Variants in CD274 observed in about 807,000 individuals in gnomAD.
The protein encoded by CD274 is programmed cell death 1 ligand 1.
Under a neutral mutation model 30.1 loss-of-function variants are expected in CD274, and 8 were observed. That is an observed-to-expected ratio of 0.27 (90% CI 0.16 to 0.48). CD274 has a LOEUF of 0.48. Ranked by LOEUF, CD274 falls within the 20% of genes least tolerant of loss-of-function variation. The pLI, the probability that CD274 is intolerant of heterozygous loss-of-function variation, is 0.99. For missense variants in CD274, 353 were observed against 346.6 expected (o/e 1.02, Z -0.15); for synonymous variants, 152 against 124.6 (o/e 1.22, Z -1.46).
chr9:5,451,869 G>A (rs536349017), intron 1 of CD274, among the ~76,000 whole-genome samples: 4 of 151,982 alleles, frequency 2.6e-5, no homozygotes, highest in African/African-American at 9.6e-5. Flanking sequence ...TTGTAGAGAT[G>A]GGGCTCTTGT....
intron 3 of CD274, 114 bp downstream of exon 3, chr9:5,457,534 G>GTTCA: frequency 1.3e-6 from 1 of 773,756 alleles, no homozygotes; most frequent in Non-Finnish European, 2.0e-6. Flanking sequence ...AGCATAGTCT[G>GTTCA]TTCATTCATT....
rs114862934 is a variant in CD274 at position 5,464,690 on chromosome 9, G to A, written c.683-809G>A. 7.5e-3 allele frequency among the ~76,000 whole-genome samples: 1,145 copies of A among 152,344 alleles called. 17 individuals carry two copies. The highest frequency in any genetic ancestry group is 0.027 in the African/African-American group (1,105 of 41,578). ...GCATTGGCCTCCAATCATGATGACA[G>A]ATAGGAGGAGGTGGGAGCTCCTTAG... On this transcript the variant is annotated intron_variant, in intron 4 of 6. Transcript: ENST00000381577.
intron 3 of CD274, among the ~76,000 whole-genome samples, chr9:5,459,443 A>C (rs1201259131): frequency 6.6e-6 from 1 of 152,132 alleles, no homozygotes; most frequent in Non-Finnish European, 1.5e-5. Context: ...GAGCTTCCCA[A>C]CTCAGGGAAG....
Position 5,467,842 on chromosome 9 carries a change from A to C in CD274, c.853A>C (p.Thr285Pro). 1 of 1,607,830 alleles carries C rather than the reference A, an allele frequency of 6.2e-7. No individual in the cohort carries two copies. Among genetic ancestry groups the C allele is most frequent in the Non-Finnish European group, 8.5e-7 (1 of 1,174,338 alleles). ...AATATACTATTATCACTCTCCAGAT[A>C]CACATTTGGAGGAGACGTAATCCAG... ...QDTNSKKQSD[T>P]HLEET is the part of the protein sequence containing the mutation. Residue 285 changes from threonine (T) to proline (P), a missense_variant and splice_region_variant, in exon 7 of 7, where the codon ACA becomes CCA. Physicochemically the swap from Thr to Pro is conservative, Grantham distance 38. Transcript: ENST00000381577.
rs78816802 is a variant in CD274 at position 5,466,766 on chromosome 9, C to G, written c.791-4C>G. ...GGAAATAAAAATGATTTCTTTTTCT[C>G]AAGGGAGAATGATGGATGTGAAAAA... On this transcript the variant is annotated splice_region_variant and splice_polypyrimidine_tract_variant and intron_variant, in intron 5 of 6. Coordinates refer to ENST00000381577, the MANE Select transcript of CD274 (RefSeq NM_014143.4). 6.6e-5 allele frequency: 106 copies of G among 1,606,894 alleles called. No individual in the cohort carries two copies. In the East Asian group the frequency reaches 2.4e-3, roughly 36 times the overall value.
intron 6 of CD274, among the ~76,000 whole-genome samples, 193 bp from the exon 7 acceptor site, chr9:5,467,647 T>C (rs1384184793): frequency 1.3e-5 from 2 of 152,196 alleles, no homozygotes; most frequent in African/African-American, 4.8e-5. Context: ...CATCCCAATT[T>C]GCTCAGGACT....
At chr9:5,458,539 A>G (rs924476178) in intron 3 of CD274, among the ~76,000 whole-genome samples, 2 of 152,350 alleles carry the variant, frequency 1.3e-5, no homozygotes, top group South Asian at 4.1e-4. Flanking sequence ...GCTAACTACC[A>G]TCAATCTGAG....
rs1475495195 is a variant in CD274 at position 5,466,782 on chromosome 9, A to T, written c.803A>T (p.Asp268Val). Residue 268 changes from aspartate (D) to valine (V), a missense_variant, in exon 6 of 7, where the codon GAT becomes GTT. By Grantham distance (152) the Asp-to-Val change is radical. Transcript: ENST00000381577. ...IFRLRKGRMMDVKKCGIQDTN... is the reference protein window; with the variant it reads ...IFRLRKGRMMVVKKCGIQDTN... ...TCTTTTTCTCAAGGGAGAATGATGG[A>T]TGTGAAAAAATGTGGCATCCAAGAT... 1 of 1,611,064 alleles carries T rather than the reference A, an allele frequency of 6.2e-7. No individual in the cohort carries two copies.
At chr9:5,459,728 T>A (rs1392570048) in intron 3 of CD274, among the ~76,000 whole-genome samples, 2 of 152,238 alleles carry the variant, frequency 1.3e-5, no homozygotes, top group African/African-American at 4.8e-5. Flanking sequence ...TAAAAGTGTT[T>A]TTCTTTAATC....
chr9:5,463,577 A>G (rs1819445671), intron 4 of CD274, among the ~76,000 whole-genome samples: 1 of 152,206 alleles, frequency 6.6e-6, no homozygotes, highest in African/African-American at 2.4e-5. Context: ...CCAGGGTGGC[A>G]GGAAATAAAT....
rs571833216 is a variant in CD274, at chr9:5,469,152, G to A, written c.*1290G>A. 48 of 232,834 alleles carry A rather than the reference G, an allele frequency of 2.1e-4. No homozygotes were observed. Among genetic ancestry groups the A allele is most frequent in the African/African-American group, 9.0e-4 (41 of 45,350 alleles). 14.4% of individuals were successfully genotyped at this position (232,834 alleles called of 1,614,324 possible). On this transcript the variant is annotated 3_prime_UTR_variant, in exon 7 of 7. Transcript: ENST00000381577. ...TAATTTTCATTTACAAAGAGAGGTC[G>A]GTACTTAAAATAACCCTGAAAAATA...
At chr9:5,463,950 A>C (rs1215965193) in intron 4 of CD274, among the ~76,000 whole-genome samples, 1 of 152,188 alleles carries the variant, frequency 6.6e-6, no homozygotes. Flanking sequence ...AGTGAGCATG[A>C]TATTTAATAT....
intron 1 of CD274, among the ~76,000 whole-genome samples, chr9:5,454,393 T>A (rs1447025071): frequency 6.6e-6 from 1 of 152,178 alleles, no homozygotes; most frequent in Non-Finnish European, 1.5e-5. Flanking sequence ...ACATTTCCTG[T>A]GTCTAAACAC....
chr9:5,462,997 A>C lies in CD274; in HGVS notation c.558A>C (p.Arg186Ser), dbSNP rs41280721. The C allele has an allele frequency of 2.6e-5, 42 of 1,613,942 alleles. No homozygotes were observed. Among genetic ancestry groups the C allele is most frequent in the Non-Finnish European group, 3.4e-5 (40 of 1,179,958 alleles). ...SGKTTTTNSK[R>S]EEKLFNVTST... ...AGACCACCACCACCAATTCCAAGAGAGAGGAGAAGCTTTTCAATGTGACCA... is the reference window on the plus strand; with the variant it reads ...AGACCACCACCACCAATTCCAAGAGCGAGGAGAAGCTTTTCAATGTGACCA... Residue 186 changes from arginine to serine, a missense_variant, in exon 4 of 7, where the codon AGA becomes AGC. Physicochemically the swap from Arg to Ser is moderately radical, Grantham distance 110. Coordinates refer to ENST00000381577, the MANE Select transcript of CD274 (RefSeq NM_014143.4).
At chr9:5,459,860 T>C (rs557241865) in intron 3 of CD274, among the ~76,000 whole-genome samples, 1 of 152,156 alleles carries the variant, frequency 6.6e-6, no homozygotes, top group Non-Finnish European at 1.5e-5. Context: ...TTGGATCATA[T>C]GGACCAAATC....
At chr9:5,452,532 TGAA>T (rs1819226197) in intron 1 of CD274, among the ~76,000 whole-genome samples, 2 of 152,230 alleles carry the variant, frequency 1.3e-5, no homozygotes, top group South Asian at 2.1e-4. Flanking sequence ...AATTCTTACC[TGAA>T]GAAGATGTCA....
At position 5,469,263 on chromosome 9, in the gene CD274, A is replaced by G. The variant is rs1819547718; in HGVS notation, c.*1401A>G. On this transcript the variant is annotated 3_prime_UTR_variant, in exon 7 of 7. Coordinates refer to ENST00000381577, the MANE Select transcript of CD274 (RefSeq NM_014143.4). ...AATGCTTGTTTATATAGTGTCTGGT[A>G]TTGTTTAACAGTTCTGTCTTTTCTA... 4.3e-6 allele frequency: 1 copy of G among 232,628 alleles called. No individual in the cohort carries two copies. Among genetic ancestry groups the G allele is most frequent in the Admixed American group, 5.6e-5 (1 of 17,762 alleles). 14.4% of individuals were successfully genotyped at this position (232,628 alleles called of 1,614,324 possible).
chr9:5,461,633 A>G (rs1343149364), intron 3 of CD274, among the ~76,000 whole-genome samples: 1 of 152,122 alleles, frequency 6.6e-6, no homozygotes, highest in Non-Finnish European at 1.5e-5. Flanking sequence ...GTTACACTAT[A>G]GTATTAGAAG....
chr9:5,461,223 G>A (rs1053750380), intron 3 of CD274, among the ~76,000 whole-genome samples: 8 of 152,218 alleles, frequency 5.3e-5, no homozygotes, highest in Non-Finnish European at 1.0e-4. Flanking sequence ...GATAAAAAGT[G>A]TCACTTCTGC....
Sources: allele counts gnomAD v4.1 joint callset (sites outside exome capture counted in the v4.1 genomes callset), GRCh38; gene constraint gnomAD v4.1.1; transcripts MANE v1.5; gene names NCBI Gene and HGNC (gene_info 2026-07-23, HGNC 2026-07-21).